The following GOT1L1 variants were observed in gnomAD, a reference collection of about 807,000 sequenced individuals.
GOT1L1 encodes aspartate aminotransferase, cytoplasmic 2.
GOT1L1 carries 38 observed loss-of-function variants against 43.6 expected under a neutral mutation model. The ratio of observed to expected loss-of-function variants is 0.87; its 90% CI spans 0.67 to 1.14. The LOEUF (loss-of-function observed/expected upper bound fraction) is 1.14. Ranked by LOEUF, GOT1L1 falls within the 50% of genes most tolerant of loss-of-function variation. The pLI is 0.00. For synonymous variants in GOT1L1, 183 were observed against 187.2 expected, an observed-to-expected ratio of 0.98 and a Z score of 0.18; for missense variants, 482 against 504.0, an observed-to-expected ratio of 0.96 and a Z score of 0.42.
At chr8:37,939,049 G>T in intron 1 of GOT1L1, 168 bp from the exon 2 acceptor site, 1 of 607,898 alleles carries the variant, frequency 1.6e-6, no homozygotes, top group Non-Finnish European at 2.9e-6. Context: ...AAAAGAATAT[G>T]CTGTTAGTGA....
chr8:37,935,218 A>T lies in GOT1L1; in HGVS notation c.930-3T>A, dbSNP rs773403413. 1.6e-5 allele frequency: 26 copies of T among 1,587,320 alleles called. No individual in the cohort carries two copies. The highest frequency in any genetic ancestry group is 1.7e-4 in the Middle Eastern group (1 of 5,988). The stretch of plus-strand genomic sequence containing the variant: ...CAACTTCTTTTAGACTCTGCTTCCT[A>T]CCAAGGAAGGACAATGAGAAAGGAG... On this transcript the variant is annotated splice_polypyrimidine_tract_variant and splice_region_variant and intron_variant, in intron 7 of 8. Coordinates refer to ENST00000307599, the MANE Select transcript of GOT1L1 (RefSeq NM_152413.3).
chr8:37,938,366 T>C (rs372175919), intron 2 of GOT1L1, among the ~76,000 whole-genome samples: 4 of 151,924 alleles, frequency 2.6e-5, no homozygotes, highest in African/African-American at 4.8e-5. Context: ...CACTGCACTC[T>C]AGCCTGGGTG....
In GOT1L1 at chr8:37,939,429, AAAATATATATATATATATATATAT is replaced by A. The variant is rs1202324055; in HGVS notation, c.115+462_115+485del. Reference sequence around the variant, plus strand: ...GCCCTGTCTCAAGAAAAAAAAAAAAAAAATATATATATATATATATATATATATATATATATATATATATGCAAA... The same window carrying A: ...GCCCTGTCTCAAGAAAAAAAAAAAAAATATATATATATATATATATGCAAA... On this transcript the variant is annotated intron_variant, in intron 1 of 8. Coordinates refer to ENST00000307599, the MANE Select transcript of GOT1L1 (RefSeq NM_152413.3). 2.8e-4 allele frequency among the ~76,000 whole-genome samples: 15 copies of A among 52,758 alleles called. 1 individual carries two copies. Among genetic ancestry groups the A allele is most frequent in the South Asian group, 1.9e-3 (2 of 1,036 alleles). The allele number at this position is 52,758 out of a possible 152,430, so 34.6% of individuals were successfully genotyped here. A position where few individuals can be genotyped will look rare whatever the true frequency, so the allele number is the denominator to read the frequency against.
At chr8:37,937,842 G>A (rs758286864) in intron 2 of GOT1L1, 93 bp from the exon 3 acceptor site, 15 of 798,586 alleles carry the variant, frequency 1.9e-5, no homozygotes, top group Middle Eastern at 3.5e-4. Flanking sequence ...TGGATCACTC[G>A]AGGTCATGGC....
At chr8:37,936,553 TA>T (rs1187015069) in intron 6 of GOT1L1, among the ~76,000 whole-genome samples, 166 bp downstream of exon 6, 8 of 151,914 alleles carry the variant, frequency 5.3e-5, no homozygotes, top group Non-Finnish European at 8.8e-5. Flanking sequence ...TTACTAGATT[TA>T]GTAACAGAAC....
At chr8:37,937,203 G>A (rs1807783992) in intron 4 of GOT1L1, 74 bp downstream of exon 4, 4 of 1,212,516 alleles carry the variant, frequency 3.3e-6, no homozygotes, top group Non-Finnish European at 1.2e-6. Context: ...GATGACTTAA[G>A]AGGTGTGGGG....
intron 3 of GOT1L1, 75 bp from the exon 4 acceptor site, chr8:37,937,461 G>A (rs1807794142): frequency 9.1e-7 from 1 of 1,098,434 alleles, no homozygotes; most frequent in Non-Finnish European, 1.3e-6. Context: ...GGAGTGTGGG[G>A]CTGAGAGTCA....
rs1807883824 is a variant in GOT1L1 at position 37,939,979 on chromosome 8, C to T, written c.51G>A (p.Glu17=). The T allele has an allele frequency of 1.2e-6, 2 of 1,613,636 alleles. No homozygotes were observed. The highest frequency in any genetic ancestry group is 1.7e-6 in the Non-Finnish European group (2 of 1,179,648). ...FMDVPLAHKL[E]GSLLKTYKQD... ...GTTTGTAGGTCTTTAACAAGCTGCC[C>T]TCTAGCTTGTGGGCGAGGGGCACAT... is the stretch of plus-strand genomic sequence containing the variant. Residue 17 remains glutamate (E), a synonymous_variant, in exon 1 of 9, where the codon GAG becomes GAA. Transcript: ENST00000307599.
At chr8:37,934,673 C>T (rs568028563) in intron 8 of GOT1L1, among the ~76,000 whole-genome samples, 187 bp from the exon 9 acceptor site, 31 of 152,216 alleles carry the variant, frequency 2.0e-4, no homozygotes, top group Admixed American at 1.8e-3. Flanking sequence ...CAGGTTCAAG[C>T]GATTCTCCTG....
chr8:37,934,805 A>T (rs894679100), intron 8 of GOT1L1, among the ~76,000 whole-genome samples: 6 of 151,864 alleles, frequency 4.0e-5, no homozygotes, highest in African/African-American at 1.2e-4. Flanking sequence ...CGAACTCCTG[A>T]CCTCAGGTGA....
In GOT1L1 at chr8:37,936,716, A is replaced by AT. The variant is rs911437039; in HGVS notation, c.763+3dup. The AT allele has an allele frequency of 3.7e-6, 6 of 1,608,924 alleles. No homozygotes were observed. In the African/African-American group the frequency reaches 8.0e-5, roughly 22 times the overall value. On this transcript the variant is annotated splice_donor_region_variant and intron_variant, in intron 6 of 8. Coordinates refer to ENST00000307599, the MANE Select transcript of GOT1L1 (RefSeq NM_152413.3). ...GACCCTCCCTTCTTCTGCCTGTACC[A>AT]TACCATAAATGCCAAAATTCTTGGA...
chr8:37,935,823 C>T lies in GOT1L1; in HGVS notation c.810G>A (p.Gln270=). 6.2e-7 allele frequency: 1 copy of T among 1,613,200 alleles called. No individual in the cohort carries two copies. Residue 270 remains glutamine (Q), a synonymous_variant, in exon 7 of 9, where the codon CAG becomes CAA. Coordinates refer to ENST00000307599, the MANE Select transcript of GOT1L1 (RefSeq NM_152413.3). Reference sequence around the variant, plus strand: ...CCAGCTGGGAGAGGACACACAGCAGCTGCTGGTTGTTGACTGCCACCACCA... The same window carrying T: ...CCAGCTGGGAGAGGACACACAGCAGTTGCTGGTTGTTGACTGCCACCACCA... The part of the protein sequence containing the change: ...MLVVVAVNNQ[Q]LLCVLSQLEG...
At chr8:37,936,526 A>G (rs1048273693) in intron 6 of GOT1L1, among the ~76,000 whole-genome samples, 194 bp downstream of exon 6, 1 of 152,050 alleles carries the variant, frequency 6.6e-6, no homozygotes, top group Non-Finnish European at 1.5e-5. Context: ...ATCCAAGCCA[A>G]GCTGGGTTGG....
intron 3 of GOT1L1, 55 bp from the exon 4 acceptor site, chr8:37,937,441 C>G: frequency 8.0e-7 from 1 of 1,245,468 alleles, no homozygotes; most frequent in Non-Finnish European, 1.1e-6. Context: ...GAGACGGAGA[C>G]AGAGGTACTG....
Position 37,937,745 on chromosome 8 carries a change from C to G in GOT1L1, c.302G>C (p.Gly101Ala), listed in dbSNP as rs374820148. Residue 101 changes from glycine (G) to alanine (A), a missense_variant, in exon 3 of 9, where the codon GGG becomes GCG. Physicochemically the swap from Gly to Ala is moderately conservative, Grantham distance 60. Transcript: ENST00000307599. Reference protein sequence around the residue: ...HSQAIVENRVGGVHTVGDSGA... With the variant: ...HSQAIVENRVAGVHTVGDSGA... ...ACTGTCACCAACAGTGTGTACACCC[C>G]CTACCTGCCAGCAAGACATAGACAC... is the stretch of plus-strand genomic sequence containing the variant. 2.5e-6 allele frequency: 4 copies of G among 1,609,852 alleles called. No homozygotes were observed. Among genetic ancestry groups the G allele is most frequent in the Non-Finnish European group, 3.4e-6 (4 of 1,177,774 alleles).
chr8:37,937,494 C>G (rs1458220864), intron 3 of GOT1L1, 108 bp from the exon 4 acceptor site: 1 of 980,762 alleles, frequency 1.0e-6, no homozygotes, highest in Non-Finnish European at 1.6e-6. Flanking sequence ...GGGACATTAA[C>G]AGGAAAAGGA....
rs202120406 is a variant in GOT1L1, at chr8:37,939,998, G to C, written c.32C>G (p.Pro11Arg). MPTLSVFMDV[P>R]LAHKLEGSLL... Reference sequence around the variant, plus strand: ...GCTGCCCTCTAGCTTGTGGGCGAGGGGCACATCCATGAACACTGAAAGGGT... The same window carrying C: ...GCTGCCCTCTAGCTTGTGGGCGAGGCGCACATCCATGAACACTGAAAGGGT... Residue 11 changes from proline (P) to arginine (R), a missense_variant, in exon 1 of 9, where the codon CCC (proline) becomes CGC (arginine). Transcript: ENST00000307599. 20 of 1,613,392 alleles carry C rather than the reference G, an allele frequency of 1.2e-5. No individual in the cohort carries two copies. Among genetic ancestry groups the C allele is most frequent in the Middle Eastern group, 3.3e-4 (2 of 6,078 alleles).
chr8:37,935,000 A>G, intron 8 of GOT1L1, 73 bp downstream of exon 8: 1 of 1,521,684 alleles, frequency 6.6e-7, no homozygotes. Flanking sequence ...CTGGTCACCT[A>G]GTCAGTGAAG....
rs974049128 is a variant in GOT1L1, at chr8:37,936,745, A to G, written c.738T>C (p.Ser246=). The change falls in exon 6 of 9, where the codon TCT becomes TCC. Residue 246 remains serine, a synonymous_variant. Coordinates refer to ENST00000307599, the MANE Select transcript of GOT1L1 (RefSeq NM_152413.3). Reference sequence around the variant, plus strand: ...CATAAATGCCAAAATTCTTGGACAGAGACTGGCTGCAGAAGAACTCAAAGC... The same window carrying G: ...CATAAATGCCAAAATTCTTGGACAGGGACTGGCTGCAGAAGAACTCAAAGC... ...SQGFEFFCSQ[S]LSKNFGIYDE... is the part of the protein sequence containing the mutation. 6 of 1,612,544 alleles carry G rather than the reference A, an allele frequency of 3.7e-6. No individual in the cohort carries two copies. Among genetic ancestry groups the G allele is most frequent in the Middle Eastern group, 1.6e-4 (1 of 6,084 alleles).
Sources: gnomAD v4.1 joint callset for allele counts (sites outside exome capture counted in the v4.1 genomes callset) on GRCh38, gnomAD v4.1.1 for gene constraint, MANE v1.5 for transcripts, NCBI Gene and HGNC (gene_info 2026-07-23, HGNC 2026-07-21) for gene names.